The following XDH variants were observed in gnomAD, a reference collection of about 807,000 sequenced individuals.
The protein encoded by XDH is xanthine dehydrogenase.
Under a neutral mutation model 156.1 loss-of-function variants are expected in XDH, and 138 were observed. The ratio of observed to expected loss-of-function variants is 0.88; its 90% CI spans 0.77 to 1.02. XDH has a LOEUF of 1.02. XDH is among the 50% of genes least tolerant of loss of function. XDH has a pLI of 0.00. For synonymous variants in XDH, 669 were observed against 625.7 expected (o/e 1.07, Z -1.03); for missense variants, 1,849 against 1,684.9 (o/e 1.10, Z -1.71).
Position 31,366,061 on chromosome 2 carries a change from G to C in XDH, c.2371C>G (p.Arg791Gly), listed in dbSNP as rs775646772. 3.1e-6 allele frequency: 5 copies of C among 1,614,154 alleles called. No individual in the cohort carries two copies. The Admixed American group carries it at 8.3e-5, about 27-fold the overall frequency. Residue 791 changes from arginine (R) to glycine (G), a missense_variant, in exon 22 of 36, where the codon CGA becomes GGA. Arg to Gly is a moderately radical substitution (Grantham distance 125). Transcript: ENST00000379416. ...LGVPANRIVV[R>G]VKRMGGGFGG... ...AAGCCTCCTCCCATTCTCTTCACTC[G>C]AACCACAATCCGGTTTGCTGGAACC...
At chr2:31,343,248 TAAA>T (rs1373220835) in intron 31 of XDH, among the ~76,000 whole-genome samples, 1 of 132,184 alleles carries the variant, frequency 7.6e-6, no homozygotes, top group African/African-American at 3.0e-5. Flanking sequence ...GGTCAGATAT[TAAA>T]AACCTAGAAA....
At chr2:31,358,548 A>G (rs1685685485) in intron 24 of XDH, among the ~76,000 whole-genome samples, 1 of 152,166 alleles carries the variant, frequency 6.6e-6, no homozygotes, top group Non-Finnish European at 1.5e-5. Flanking sequence ...GCAATATATT[A>G]ATTATACCAT....
In XDH at chr2:31,387,816, A is replaced by G; in HGVS notation, c.646T>C (p.Leu216=). 1 of 1,580,566 alleles carries G rather than the reference A, an allele frequency of 6.3e-7. No individual in the cohort carries two copies. The highest frequency in any genetic ancestry group is 1.2e-5 in the South Asian group (1 of 85,868). Residue 216 remains leucine, a synonymous_variant, in exon 8 of 36, where the codon TTG becomes CTG. Coordinates refer to ENST00000379416, the MANE Select transcript of XDH (RefSeq NM_000379.4). ...PTQEPIFPPE[L]LRLKDTPRKQ... ...GTCCCTGAGGCATCACCTACCAGCA[A>G]CTCTGGGGGAAAAATGGGCTCCTGG...
At chr2:31,368,467 C>T in intron 19 of XDH, 74 bp downstream of exon 19, 1 of 1,581,226 alleles carries the variant, frequency 6.3e-7, no homozygotes, top group Admixed American at 1.7e-5. Flanking sequence ...AAATCCCCTC[C>T]AGGGGATCCT....
At chr2:31,385,445 C>T (rs182499174) in intron 9 of XDH, among the ~76,000 whole-genome samples, 1 of 152,328 alleles carries the variant, frequency 6.6e-6, no homozygotes, top group African/African-American at 2.4e-5. Flanking sequence ...CCAGGCTCTC[C>T]TCTCTGTGGC....
At chr2:31,411,776 T>A (rs1001820366) in intron 1 of XDH, among the ~76,000 whole-genome samples, 3 of 152,250 alleles carry the variant, frequency 2.0e-5, no homozygotes, top group African/African-American at 7.2e-5. Flanking sequence ...GTGAAATACA[T>A]TTCAGAAGGT....
chr2:31,345,161 T>A (rs551620572), intron 30 of XDH, among the ~76,000 whole-genome samples: 10 of 152,302 alleles, frequency 6.6e-5, no homozygotes, highest in African/African-American at 2.4e-4. Context: ...TCTCTCTCAA[T>A]TCTTCCATCT....
intron 6 of XDH, among the ~76,000 whole-genome samples, chr2:31,392,428 T>C (rs1458141459): frequency 1.3e-5 from 2 of 151,722 alleles, no homozygotes; most frequent in Admixed American, 6.6e-5. Context: ...TATTTATTTA[T>C]TTATTTATTT....
intron 6 of XDH, among the ~76,000 whole-genome samples, chr2:31,391,251 T>A (rs1184574399): frequency 1.3e-5 from 2 of 152,230 alleles, no homozygotes; most frequent in African/African-American, 2.4e-5. Flanking sequence ...CGTATCGCCT[T>A]TTCTTCTTTG....
At position 31,375,568 on chromosome 2, in the gene XDH, G is replaced by C. The variant is rs756688682; in HGVS notation, c.1428-14C>G. On this transcript the variant is annotated splice_polypyrimidine_tract_variant and intron_variant, in intron 14 of 35. Coordinates refer to ENST00000379416, the MANE Select transcript of XDH (RefSeq NM_000379.4). ...TCCTTCCAGAGCCTGCCAGAGAGCA[G>C]GGCGTGGGACAGCGCTCCCGCCCAG... 1.2e-6 allele frequency: 2 copies of C among 1,612,258 alleles called. No homozygotes were observed. The highest frequency in any genetic ancestry group is 1.3e-5 in the African/African-American group (1 of 75,012).
intron 28 of XDH, 80 bp downstream of exon 28, chr2:31,348,188 C>G (rs533518035): frequency 1.4e-6 from 2 of 1,447,966 alleles, no homozygotes; most frequent in African/African-American, 2.8e-5. Context: ...CCTGCTTCTG[C>G]TCTGATAGGT....
rs767333791 is a variant in XDH, at chr2:31,370,438, C to A, written c.1897G>T (p.Val633Phe). 8.7e-6 allele frequency: 14 copies of A among 1,614,040 alleles called. No homozygotes were observed. In the Admixed American group the frequency reaches 2.3e-4, roughly 27 times the overall value. Residue 633 changes from valine to phenylalanine, a missense_variant, in exon 18 of 36, where the codon GTT (valine) becomes TTT (phenylalanine). Coordinates refer to ENST00000379416, the MANE Select transcript of XDH (RefSeq NM_000379.4). Reference sequence around the variant, plus strand: ...ACATCATCAGCGGAAATGAAACAAACAAACCCTGGAACCTTCTTAGCTTCT... The same window carrying A: ...ACATCATCAGCGGAAATGAAACAAAAAAACCCTGGAACCTTCTTAGCTTCT... ...TSEAKKVPGF[V>F]CFISADDVPG...
chr2:31,353,908 G>T lies in XDH; in HGVS notation c.2632-3685C>A, dbSNP rs185087014. 4.6e-5 allele frequency among the ~76,000 whole-genome samples: 7 copies of T among 152,218 alleles called. No homozygotes were observed. In the East Asian group the frequency reaches 1.2e-3, roughly 25 times the overall value. ...CAGATCGGGAGTCAAGACTTTCATT[G>T]CTGATGGCCAGTCATAAGGCTGTAC... On this transcript the variant is annotated intron_variant, in intron 24 of 35. Transcript: ENST00000379416.
chr2:31,383,912 G>A, intron 9 of XDH, 65 bp from the exon 10 acceptor site: 1 of 1,405,712 alleles, frequency 7.1e-7, no homozygotes, highest in South Asian at 1.2e-5. Context: ...GGCCTTAGCA[G>A]CTTTTCTCAC....
intron 24 of XDH, among the ~76,000 whole-genome samples, chr2:31,351,468 C>G (rs7571426): frequency 0.77 from 116,553 of 152,016 alleles, 44,749 homozygotes; most frequent in East Asian, 0.85. Context: ...AATTTAAATT[C>G]GCTGCCCACT....
intron 6 of XDH, among the ~76,000 whole-genome samples, chr2:31,395,805 G>C (rs1397125626): frequency 1.3e-5 from 2 of 152,278 alleles, no homozygotes; most frequent in African/African-American, 4.8e-5. Context: ...AAAAACAACT[G>C]TTGATTCTTC....
chr2:31,400,683 A>G (rs1265117853), intron 4 of XDH, among the ~76,000 whole-genome samples: 1 of 152,236 alleles, frequency 6.6e-6, no homozygotes, highest in Non-Finnish European at 1.5e-5. Context: ...AGCCTTGCTC[A>G]GGCACTAAAT....
At chr2:31,349,499 T>G (rs549213655) in intron 26 of XDH, among the ~76,000 whole-genome samples, 187 bp downstream of exon 26, 1 of 152,310 alleles carries the variant, frequency 6.6e-6, no homozygotes, top group East Asian at 1.9e-4. Flanking sequence ...GATTGCAGGC[T>G]GTGAGCCCAC....
chr2:31,403,315 T>C (rs1055573796), intron 2 of XDH, among the ~76,000 whole-genome samples, 171 bp from the exon 3 acceptor site: 1 of 152,126 alleles, frequency 6.6e-6, no homozygotes, highest in Non-Finnish European at 1.5e-5. Flanking sequence ...GGGGCTGCAC[T>C]GCACCCTAGG....
Sources: gnomAD v4.1 joint callset for allele counts (sites outside exome capture counted in the v4.1 genomes callset) on GRCh38, gnomAD v4.1.1 for gene constraint, MANE v1.5 for transcripts, NCBI Gene and HGNC (gene_info 2026-07-23, HGNC 2026-07-21) for gene names.